The following CSNK2A1 variants were observed in gnomAD, a reference collection of about 807,000 sequenced individuals.
CSNK2A1 encodes the protein casein kinase II subunit alpha.
CSNK2A1 carries 10 observed loss-of-function variants against 62.9 expected under a neutral mutation model. The ratio of observed to expected loss-of-function variants is 0.16; its 90% CI spans 0.10 to 0.27. The LOEUF (loss-of-function observed/expected upper bound fraction) is 0.27, where lower values mean the gene tolerates loss of function less well. CSNK2A1 is among the 10% of genes least tolerant of loss of function. The probability of loss-of-function intolerance (pLI) is 1.00; values close to 1 mark genes in which losing one functional copy is unlikely to be tolerated. For missense variants in CSNK2A1, 160 were observed against 492.0 expected (o/e 0.33, Z 6.38); for synonymous variants, 124 against 167.8 (o/e 0.74, Z 2.02).
At chr20:490,481 T>C (rs77448291) in intron 9 of CSNK2A1, among the ~76,000 whole-genome samples, 9,925 of 144,656 alleles carry the variant, frequency 0.069, 380 homozygotes, top group South Asian at 0.12. Context: ...TCTTGGCTCA[T>C]TGCAACTCAG....
chr20:497,395 G>A (rs548162306), intron 7 of CSNK2A1, among the ~76,000 whole-genome samples: 32 of 152,104 alleles, frequency 2.1e-4, no homozygotes, highest in Non-Finnish European at 4.1e-4. Flanking sequence ...CAATCCTCCT[G>A]CCTTGGCCTC....
At chr20:501,813 T>G (rs572582212) in intron 4 of CSNK2A1, 14 of 152,324 alleles carry the variant, frequency 9.2e-5, no homozygotes, top group Admixed American at 2.0e-4. Context: ...AACAATCACC[T>G]GGATTTTTTT....
At chr20:526,112 A>T (rs1488902626) in intron 2 of CSNK2A1, among the ~76,000 whole-genome samples, 39 of 152,306 alleles carry the variant, frequency 2.6e-4, no homozygotes, top group East Asian at 1.9e-4. Flanking sequence ...CTAGAAGGAA[A>T]AAAACGGGAA....
intron 2 of CSNK2A1, among the ~76,000 whole-genome samples, chr20:516,527 A>G (rs1205758038): frequency 2.0e-5 from 3 of 152,244 alleles, no homozygotes; most frequent in Non-Finnish European, 4.4e-5. Context: ...TGCCAAAATC[A>G]TAAGTTTACT....
chr20:542,623 G>A (rs8122783), intron 1 of CSNK2A1, among the ~76,000 whole-genome samples: 21,994 of 151,984 alleles, frequency 0.14, 2,591 homozygotes, highest in African/African-American at 0.32. Context: ...AGTACAGACG[G>A]GGTTTCACCG....
intron 1 of CSNK2A1, among the ~76,000 whole-genome samples, chr20:534,413 C>A (rs1050572127): frequency 6.6e-6 from 1 of 152,224 alleles, no homozygotes; most frequent in East Asian, 1.9e-4. Context: ...ATGGGCTGGC[C>A]ACCAGGCCAC....
chr20:502,081 C>G (rs2018483533), intron 4 of CSNK2A1: 1 of 152,192 alleles, frequency 6.6e-6, no homozygotes, highest in Admixed American at 6.5e-5. Context: ...AAATGTTTCT[C>G]ACTGCTGAAA....
chr20:487,668 A>G, intron 11 of CSNK2A1, 93 bp from the exon 12 acceptor site: 3 of 1,562,570 alleles, frequency 1.9e-6, no homozygotes, highest in South Asian at 2.3e-5. Flanking sequence ...CTAACAGCCC[A>G]GACAAAAGCA....
intron 2 of CSNK2A1, among the ~76,000 whole-genome samples, chr20:516,322 G>T (rs1406261713): frequency 6.6e-6 from 1 of 152,132 alleles, no homozygotes; most frequent in Non-Finnish European, 1.5e-5. Flanking sequence ...ACATGGCTAG[G>T]TCTTGTATGC....
At position 473,581 on chromosome 20, in the gene CSNK2A1, C is replaced by T. The variant is rs1165964712; in HGVS notation, c.*10380G>A. On this transcript the variant is annotated 3_prime_UTR_variant, in exon 14 of 14. Coordinates refer to ENST00000217244, the MANE Select transcript of CSNK2A1 (RefSeq NM_177559.3). ...TCTGGGTGGAGCACTGTGATCCTTTCACAGTAGCTGCCATTGTCTTCTTCC... is the reference window on the plus strand; with the variant it reads ...TCTGGGTGGAGCACTGTGATCCTTTTACAGTAGCTGCCATTGTCTTCTTCC... 6.6e-6 allele frequency: 1 copy of T among 152,210 alleles called. No individual in the cohort carries two copies. Among genetic ancestry groups the T allele is most frequent in the Admixed American group, 6.5e-5 (1 of 15,278 alleles). The allele number at this position is 152,210 out of a possible 1,614,324, so 9.4% of individuals were successfully genotyped here. A position where few individuals can be genotyped will look rare whatever the true frequency, so the allele number is the denominator to read the frequency against.
chr20:532,169 C>CTT (rs1327080907), intron 1 of CSNK2A1, among the ~76,000 whole-genome samples: 1 of 145,598 alleles, frequency 6.9e-6, no homozygotes, highest in African/African-American at 2.5e-5. Flanking sequence ...AAACTTTTAA[C>CTT]TTTTTTTTTT....
In CSNK2A1 at chr20:499,984, A is replaced by C; in HGVS notation, c.214-50T>G. 1 of 1,429,498 alleles carries C rather than the reference A, an allele frequency of 7.0e-7. No homozygotes were observed. The highest frequency in any genetic ancestry group is 2.3e-5 in the East Asian group (1 of 43,752). The allele number at this position is 1,429,498 out of a possible 1,614,324, so 88.6% of individuals were successfully genotyped here. Reference sequence around the variant, plus strand: ...AAAAAAAAAAAAAAAAAATTTTTTCAGAGTATTTCAACACGTAGTGTAATA... The same window carrying C: ...AAAAAAAAAAAAAAAAAATTTTTTCCGAGTATTTCAACACGTAGTGTAATA... On this transcript the variant is annotated intron_variant, in intron 4 of 13. Coordinates refer to ENST00000217244, the MANE Select transcript of CSNK2A1 (RefSeq NM_177559.3). This position sits in a 1 kb window ranked among gnomAD's most constrained non-coding sequence, Gnocchi z 4.2.
intron 2 of CSNK2A1, among the ~76,000 whole-genome samples, chr20:527,322 A>T (rs1436802708): frequency 6.6e-6 from 1 of 152,238 alleles, no homozygotes; most frequent in Non-Finnish European, 1.5e-5. Flanking sequence ...ATAGTCCCAT[A>T]ACCAATAAAT....
In CSNK2A1 at chr20:503,213, T is replaced by C. The variant is rs116693951; in HGVS notation, c.213+1905A>G. On this transcript the variant is annotated intron_variant, in intron 4 of 13. Transcript: ENST00000217244. Reference sequence around the variant, plus strand: ...AGGCTGGAGTGCAGTGGTTTGATCATAGATCCGTGCAACCTTCAACTTCCA... The same window carrying C: ...AGGCTGGAGTGCAGTGGTTTGATCACAGATCCGTGCAACCTTCAACTTCCA... The C allele has an allele frequency of 4.2e-3, 1,403 of 334,260 alleles. 19 individuals carry two copies. Among genetic ancestry groups the C allele is most frequent in the African/African-American group, 0.026 (1,225 of 47,558 alleles). The allele number at this position is 334,260 out of a possible 1,614,324, so 20.7% of individuals were successfully genotyped here.
At chr20:488,277 T>C (rs1464028176) in intron 11 of CSNK2A1, 6 of 185,166 alleles carry the variant, frequency 3.2e-5, no homozygotes, top group Non-Finnish European at 5.6e-5. Context: ...AGTTCTGGGA[T>C]TACAGATATG....
At chr20:484,949 C>A (rs1392085667) in intron 13 of CSNK2A1, among the ~76,000 whole-genome samples, 1 of 148,670 alleles carries the variant, frequency 6.7e-6, no homozygotes, top group African/African-American at 2.5e-5. Flanking sequence ...CGCCTGTAGT[C>A]CCAGCTACCT....
intron 8 of CSNK2A1, chr20:492,713 G>A (rs2018261043): frequency 5.0e-6 from 1 of 201,122 alleles, no homozygotes; most frequent in Admixed American, 5.4e-5. Flanking sequence ...ATTGCCTTCA[G>A]CCCCCTGAAT....
At chr20:538,693 C>A (rs540142094) in intron 1 of CSNK2A1, among the ~76,000 whole-genome samples, 4 of 152,098 alleles carry the variant, frequency 2.6e-5, no homozygotes, top group Admixed American at 6.5e-5. Flanking sequence ...TTGAGCTGAG[C>A]TGGGGTGGGG....
rs2017916536 is a variant in CSNK2A1, at chr20:479,691, G to T, written c.*4270C>A. On this transcript the variant is annotated 3_prime_UTR_variant, in exon 14 of 14. Coordinates refer to ENST00000217244, the MANE Select transcript of CSNK2A1 (RefSeq NM_177559.3). Reference sequence around the variant, plus strand: ...ATCAAAGGAGAGCTATAAAGTCTAGGAAGTACTTATTTACATAGGATTGAG... The same window carrying T: ...ATCAAAGGAGAGCTATAAAGTCTAGTAAGTACTTATTTACATAGGATTGAG... 1 of 152,156 alleles carries T rather than the reference G, an allele frequency of 6.6e-6. No homozygotes were observed. 9.4% of individuals were successfully genotyped at this position (152,156 alleles called of 1,614,324 possible). A position where few individuals can be genotyped will look rare whatever the true frequency, so the allele number is the denominator to read the frequency against.
Sources: gnomAD v4.1 joint callset for allele counts (sites outside exome capture counted in the v4.1 genomes callset) on GRCh38, gnomAD v4.1.1 for gene constraint, Gnocchi (gnomAD v3.1) non-coding constraint, MANE v1.5 for transcripts, NCBI Gene and HGNC (gene_info 2026-07-23, HGNC 2026-07-21) for gene names.